Variants in KLHDC10 observed in about 807,000 individuals in gnomAD.
KLHDC10 encodes the protein kelch domain-containing protein 10.
A neutral mutation model predicts 56.1 loss-of-function variants in KLHDC10; 24 were observed. The ratio of observed to expected loss-of-function variants is 0.43; its 90% CI spans 0.31 to 0.60. The LOEUF (loss-of-function observed/expected upper bound fraction) is 0.60, where lower values mean the gene tolerates loss of function less well. Among genes scored for constraint, KLHDC10 ranks in the 20% least tolerant of loss-of-function variants. The pLI, the probability that KLHDC10 is intolerant of heterozygous loss-of-function variation, is 0.11. For synonymous variants in KLHDC10, 188 were observed against 207.1 expected, an observed-to-expected ratio of 0.91 and a Z score of 0.79; for missense variants, 349 against 567.0, an observed-to-expected ratio of 0.62 and a Z score of 3.91.
intron 1 of KLHDC10, among the ~76,000 whole-genome samples, chr7:130,081,089 T>C (rs1795599428): frequency 7.1e-6 from 1 of 140,638 alleles, no homozygotes; most frequent in South Asian, 2.5e-4. Flanking sequence ...AACTCTGCCC[T>C]CTGGGTTCAC....
At chr7:130,071,921 G>A (rs1795417357) in intron 1 of KLHDC10, among the ~76,000 whole-genome samples, 1 of 152,124 alleles carries the variant, frequency 6.6e-6, no homozygotes, top group African/African-American at 2.4e-5. Context: ...CACATTTAAT[G>A]AGACAATTGC....
At chr7:130,098,432 G>T (rs1795881680) in intron 2 of KLHDC10, among the ~76,000 whole-genome samples, 2 of 152,258 alleles carry the variant, frequency 1.3e-5, no homozygotes, top group African/African-American at 2.4e-5. Flanking sequence ...GGCAGAGGTT[G>T]CAGTGAGCCA....
At chr7:130,092,696 C>A (rs1795791912) in intron 1 of KLHDC10, among the ~76,000 whole-genome samples, 1 of 152,124 alleles carries the variant, frequency 6.6e-6, no homozygotes, top group Non-Finnish European at 1.5e-5. Context: ...GGAGCAAATA[C>A]CTCTATTCTA....
intron 5 of KLHDC10, 108 bp from the exon 6 acceptor site, chr7:130,124,343 C>G: frequency 1.5e-6 from 1 of 657,144 alleles, no homozygotes; most frequent in Non-Finnish European, 2.7e-6. Context: ...TAGGTTATTT[C>G]CAATAACTTA....
rs184255648 is a variant in KLHDC10 at position 130,130,044 on chromosome 7, C to T, written c.1119+468C>T. On this transcript the variant is annotated intron_variant, in intron 9 of 9. Transcript: ENST00000335420. The surrounding 1 kb of genome is among the most constrained non-coding windows in gnomAD (Gnocchi z 4.2). Reference sequence around the variant, plus strand: ...AAAATTCATATATATAGGCCGGGCGCGGTGGCTCAGGCCTGTAATCCCAGC... The same window carrying T: ...AAAATTCATATATATAGGCCGGGCGTGGTGGCTCAGGCCTGTAATCCCAGC... Among the ~76,000 whole-genome samples, 364 of 152,088 alleles carry T rather than the reference C, an allele frequency of 2.4e-3. 11 individuals carry two copies. The highest frequency in any genetic ancestry group is 4.5e-3 in the African/African-American group (186 of 41,480).
intron 1 of KLHDC10, among the ~76,000 whole-genome samples, chr7:130,090,592 A>G (rs933946904): frequency 4.1e-5 from 6 of 144,706 alleles, no homozygotes; most frequent in Non-Finnish European, 9.2e-5. Flanking sequence ...TGTCTTAAAG[A>G]AAAAAAAAAA....
intron 2 of KLHDC10, among the ~76,000 whole-genome samples, chr7:130,098,113 G>C (rs558046049): frequency 1.0e-3 from 157 of 151,980 alleles, no homozygotes; most frequent in African/African-American, 3.7e-3. Context: ...CTGAGCTCCA[G>C]AGCATGCATA....
rs565086424 is a variant in KLHDC10 at position 130,094,360 on chromosome 7, C to T, written c.167-2561C>T. 8.1e-4 allele frequency among the ~76,000 whole-genome samples: 123 copies of T among 152,270 alleles called. 1 individual carries two copies. Among genetic ancestry groups the T allele is most frequent in the Non-Finnish European group, 1.0e-4 (7 of 68,002 alleles). ...GTAATAATCTCAAGCCCAATCATAA[C>T]CAGTGTTAAGACTTTGGTATGTTTC... On this transcript the variant is annotated intron_variant, in intron 1 of 9. Transcript: ENST00000335420.
chr7:130,092,504 TG>T (rs1433739676), intron 1 of KLHDC10, among the ~76,000 whole-genome samples: 1 of 152,204 alleles, frequency 6.6e-6, no homozygotes, highest in African/African-American at 2.4e-5. Flanking sequence ...TGGATAGGGA[TG>T]GAGTAAGCAA....
Position 130,103,241 on chromosome 7 carries a change from T to C in KLHDC10, c.253+6234T>C, listed in dbSNP as rs113910765. On this transcript the variant is annotated intron_variant, in intron 2 of 9. Transcript: ENST00000335420. Reference sequence around the variant, plus strand: ...GATTTCAAGACCAGCCTGGCCAATATGGTGAAACCCTGTCTCTGCTAAAAA... The same window carrying C: ...GATTTCAAGACCAGCCTGGCCAATACGGTGAAACCCTGTCTCTGCTAAAAA... Among the ~76,000 whole-genome samples, 1,338 of 152,136 alleles carry C rather than the reference T, an allele frequency of 8.8e-3. 22 individuals are homozygous for C. Among genetic ancestry groups the C allele is most frequent in the African/African-American group, 0.031 (1,272 of 41,506 alleles).
Position 130,120,719 on chromosome 7 carries a change from T to A in KLHDC10, c.476-30T>A, listed in dbSNP as rs75887449. ...GGAACAAATTGCAGGTAGCCATTTG[T>A]GAACAGAACTTGTGCTTCTCCTTCC... On this transcript the variant is annotated intron_variant, in intron 3 of 9. Coordinates refer to ENST00000335420, the MANE Select transcript of KLHDC10 (RefSeq NM_014997.4). This position sits in a 1 kb window ranked among gnomAD's most constrained non-coding sequence, Gnocchi z 5.1. 8.1e-5 allele frequency: 131 copies of A among 1,611,356 alleles called. No individual in the cohort carries two copies. The African/African-American group carries it at 1.5e-3, about 18-fold the overall frequency.
chr7:130,108,116 C>T (rs1277661883), intron 2 of KLHDC10, among the ~76,000 whole-genome samples: 4 of 134,360 alleles, frequency 3.0e-5, no homozygotes, highest in Middle Eastern at 4.0e-3. Flanking sequence ...GGAGTCCCAG[C>T]TACTCCAGAC....
chr7:130,093,483 C>T (rs1795807625), intron 1 of KLHDC10, among the ~76,000 whole-genome samples: 1 of 152,150 alleles, frequency 6.6e-6, no homozygotes. Flanking sequence ...ATCTCAGCCT[C>T]CCAAAGTGCT....
At chr7:130,114,285 G>A (rs918784728) in intron 2 of KLHDC10, among the ~76,000 whole-genome samples, 5 of 152,136 alleles carry the variant, frequency 3.3e-5, no homozygotes, top group Admixed American at 6.6e-5. Context: ...ATTGATTCCC[G>A]TTTCATTTAG....
intron 1 of KLHDC10, among the ~76,000 whole-genome samples, chr7:130,085,978 T>G (rs1458550370): frequency 6.6e-6 from 1 of 152,156 alleles, no homozygotes; most frequent in Non-Finnish European, 1.5e-5. Flanking sequence ...ATTAACTATT[T>G]ATAACATTGG....
At chr7:130,107,843 CAAAAAAAAAAAAA>C (rs3043725) in intron 2 of KLHDC10, among the ~76,000 whole-genome samples, 1 of 26,028 alleles carries the variant, frequency 3.8e-5, no homozygotes, top group Non-Finnish European at 5.7e-5. Context: ...GACTCCGTCT[CAAAAAAAAAAAAA>C]AAAAAAAAAA....
rs542308942 is a variant in KLHDC10 at position 130,076,064 on chromosome 7, G to A, written c.166+5255G>A. On this transcript the variant is annotated intron_variant, in intron 1 of 9. Coordinates refer to ENST00000335420, the MANE Select transcript of KLHDC10 (RefSeq NM_014997.4). Reference sequence around the variant, plus strand: ...GGATGGTGGGGTGGAGGAGTGGGGGGAATGGTTTCAGGATGAAACTGTTCC... The same window carrying A: ...GGATGGTGGGGTGGAGGAGTGGGGGAAATGGTTTCAGGATGAAACTGTTCC... Among the ~76,000 whole-genome samples, 9 of 152,182 alleles carry A rather than the reference G, an allele frequency of 5.9e-5. No individual in the cohort carries two copies. The East Asian group carries it at 1.7e-3, about 29-fold the overall frequency.
intron 2 of KLHDC10, among the ~76,000 whole-genome samples, chr7:130,110,126 C>T (rs1192751869): frequency 1.3e-5 from 2 of 152,162 alleles, no homozygotes; most frequent in Non-Finnish European, 1.5e-5. Flanking sequence ...CCCATTTTCT[C>T]ATAGTTACAT....
Position 130,104,427 on chromosome 7 carries a change from C to T in KLHDC10, c.253+7420C>T, listed in dbSNP as rs140700627. On this transcript the variant is annotated intron_variant, in intron 2 of 9. Transcript: ENST00000335420. ...TACTAAAAGAAAAATTCAAATAATA[C>T]AGAAATACATAGGGGGAAAAGTCAG... is the stretch of plus-strand genomic sequence containing the variant. Among the ~76,000 whole-genome samples, 881 of 152,208 alleles carry T rather than the reference C, an allele frequency of 5.8e-3. 6 individuals are homozygous for T. The highest frequency in any genetic ancestry group is 0.02 in the African/African-American group (820 of 41,552).
Sources: gnomAD v4.1 joint callset for allele counts (sites outside exome capture counted in the v4.1 genomes callset) on GRCh38, gnomAD v4.1.1 for gene constraint, Gnocchi (gnomAD v3.1) non-coding constraint, MANE v1.5 for transcripts, NCBI Gene and HGNC (gene_info 2026-07-23, HGNC 2026-07-21) for gene names.